The following PLD5 variants were observed in gnomAD, a reference collection of about 807,000 sequenced individuals.
PLD5 encodes the protein inactive phospholipase D5.
In PLD5, 36 loss-of-function variants were observed where a neutral mutation model predicts 61.1. That is an observed-to-expected ratio of 0.59 (90% CI 0.45 to 0.78). The LOEUF is 0.78. Ranked by LOEUF, PLD5 falls within the 30% of genes least tolerant of loss-of-function variation. The pLI, the probability that PLD5 is intolerant of heterozygous loss-of-function variation, is 0.00. For missense variants in PLD5, 515 were observed against 644.4 expected, an observed-to-expected ratio of 0.80 and a Z score of 2.17; for synonymous variants, 243 against 242.8, an observed-to-expected ratio of 1.00 and a Z score of -0.01.
At chr1:242,122,473 G>A (rs960853408) in intron 6 of PLD5, among the ~76,000 whole-genome samples, 10 of 152,064 alleles carry the variant, frequency 6.6e-5, no homozygotes, top group Non-Finnish European at 1.3e-4. Flanking sequence ...AGCGATCCAC[G>A]CTTGGCATGT....
At chr1:242,527,787 T>G (rs1365386930), upstream of PLD5, among the ~76,000 whole-genome samples, 2 of 152,240 alleles carry the variant, frequency 1.3e-5, no homozygotes, top group African/African-American at 2.4e-5. Context: ...AAATAGTGTT[T>G]CTGAAGATGG....
intron 6 of PLD5, among the ~76,000 whole-genome samples, chr1:242,114,742 C>A (rs887077146): frequency 6.6e-6 from 1 of 151,868 alleles, no homozygotes; most frequent in Non-Finnish European, 1.5e-5. Context: ...GATTGTAATG[C>A]CTGATGATCT....
rs1238095525 is a variant in PLD5, at chr1:242,452,176, A to C, written c.189+71912T>G. On this transcript the variant is annotated intron_variant, in intron 1 of 9. Transcript: ENST00000536534. ...GATGTAGAATCAGTGCTTTTTCGGCAATGAAAAATGTTCATACAGTGTACT... is the reference window on the plus strand; with the variant it reads ...GATGTAGAATCAGTGCTTTTTCGGCCATGAAAAATGTTCATACAGTGTACT... Among the ~76,000 whole-genome samples, 5 of 152,236 alleles carry C rather than the reference A, an allele frequency of 3.3e-5. No individual in the cohort carries two copies. In the East Asian group the frequency reaches 7.7e-4, roughly 24 times the overall value.
chr1:242,336,977 G>A (rs1239277662), intron 2 of PLD5, among the ~76,000 whole-genome samples: 2 of 152,152 alleles, frequency 1.3e-5, no homozygotes, highest in Non-Finnish European at 2.9e-5. Flanking sequence ...GTACTAGTAT[G>A]ATCACCATCA....
At chr1:242,397,438 C>A (rs938780179) in intron 1 of PLD5, among the ~76,000 whole-genome samples, 3 of 151,580 alleles carry the variant, frequency 2.0e-5, no homozygotes, top group African/African-American at 7.3e-5. Flanking sequence ...ATCTCCACTG[C>A]TATTAACTTA....
intron 1 of PLD5, among the ~76,000 whole-genome samples, chr1:242,519,811 C>G (rs577623900): frequency 1.1e-4 from 17 of 152,288 alleles, no homozygotes; most frequent in African/African-American, 1.4e-4. Context: ...AGTGAGCCAG[C>G]CTTGCCGACC....
intron 2 of PLD5, among the ~76,000 whole-genome samples, chr1:242,327,582 C>A (rs1325703465): frequency 2.6e-5 from 4 of 152,050 alleles, no homozygotes; most frequent in African/African-American, 7.2e-5. Flanking sequence ...TATGCTGACT[C>A]CTTGAAAATG....
chr1:242,177,702 TATAA>T (rs1667254143), intron 5 of PLD5: 3 of 152,224 alleles, frequency 2.0e-5, no homozygotes, highest in South Asian at 4.1e-4. Context: ...CCATAAAATC[TATAA>T]ATAAGTATTC....
At chr1:242,160,004 T>C (rs1665697177) in intron 5 of PLD5, among the ~76,000 whole-genome samples, 1 of 151,742 alleles carries the variant, frequency 6.6e-6, no homozygotes, top group Admixed American at 6.7e-5. Context: ...GAATTCTTTT[T>C]TTTTCCCTTT....
At chr1:242,137,549 G>C (rs1426577249) in intron 5 of PLD5, among the ~76,000 whole-genome samples, 1 of 152,166 alleles carries the variant, frequency 6.6e-6, no homozygotes, top group Non-Finnish European at 1.5e-5. Flanking sequence ...CAATCTGATG[G>C]GGTGGAAATG....
intron 5 of PLD5, among the ~76,000 whole-genome samples, chr1:242,173,758 T>C (rs1213256291): frequency 6.6e-6 from 1 of 152,086 alleles, no homozygotes; most frequent in Non-Finnish European, 1.5e-5. Flanking sequence ...TCTACAACCA[T>C]CTGATCTTTG....
At chr1:242,181,247 G>A (rs895412152) in intron 5 of PLD5, among the ~76,000 whole-genome samples, 1 of 152,144 alleles carries the variant, frequency 6.6e-6, no homozygotes, top group Non-Finnish European at 1.5e-5. Context: ...AATACTGCTG[G>A]TCTGCAGATC....
At chr1:242,135,126 G>A (rs1426000783) in intron 5 of PLD5, among the ~76,000 whole-genome samples, 1 of 152,040 alleles carries the variant, frequency 6.6e-6, no homozygotes, top group Non-Finnish European at 1.5e-5. Context: ...TACGGTTGTT[G>A]GGATAATTAA....
chr1:242,422,929 G>C (rs1331344715), intron 1 of PLD5, among the ~76,000 whole-genome samples: 4 of 149,486 alleles, frequency 2.7e-5, no homozygotes, highest in Non-Finnish European at 5.9e-5. Context: ...GCCCACTGCA[G>C]TCTCCACCTC....
intron 6 of PLD5, among the ~76,000 whole-genome samples, chr1:242,121,844 G>GA (rs1418349861): frequency 6.7e-6 from 1 of 148,466 alleles, no homozygotes; most frequent in Non-Finnish European, 1.5e-5. Context: ...CGCAAGGACA[G>GA]AAAACCAAAC....
chr1:242,250,042 A>G (rs1003818795), intron 4 of PLD5, among the ~76,000 whole-genome samples: 4 of 152,262 alleles, frequency 2.6e-5, no homozygotes, highest in African/African-American at 9.6e-5. Flanking sequence ...GAAGAAAGTT[A>G]TTCCTTCACC....
intron 2 of PLD5, among the ~76,000 whole-genome samples, chr1:242,322,194 C>T (rs906856220): frequency 6.6e-6 from 1 of 152,192 alleles, no homozygotes; most frequent in Non-Finnish European, 1.5e-5. Flanking sequence ...GCACCAGGCA[C>T]TAGGCATACC....
chr1:242,131,170 G>C (rs1176349024), intron 5 of PLD5, among the ~76,000 whole-genome samples: 1 of 152,162 alleles, frequency 6.6e-6, no homozygotes, highest in African/African-American at 2.4e-5. Context: ...GCTGGGCATG[G>C]TGGCTTGTGC....
intron 5 of PLD5, among the ~76,000 whole-genome samples, chr1:242,194,661 T>TCTAC (rs1418045351): frequency 6.7e-6 from 1 of 148,168 alleles, no homozygotes; most frequent in Non-Finnish European, 1.5e-5. Flanking sequence ...TATCTATCTA[T>TCTAC]CTATCTACCT....
Sources: gnomAD v4.1 joint callset for allele counts (sites outside exome capture counted in the v4.1 genomes callset) on GRCh38, gnomAD v4.1.1 for gene constraint, MANE v1.5 for transcripts, NCBI Gene and HGNC (gene_info 2026-07-23, HGNC 2026-07-21) for gene names.